Variants in ZNF236 observed in about 807,000 individuals in gnomAD.
ZNF236 encodes zinc finger protein 236.
ZNF236 carries 50 observed loss-of-function variants against 191.2 expected under a neutral mutation model. The ratio of observed to expected loss-of-function variants is 0.26; its 90% confidence interval spans 0.21 to 0.33. ZNF236 has a LOEUF of 0.33. ZNF236 is among the 10% of genes least tolerant of loss of function. ZNF236 has a pLI of 1.00. For synonymous variants in ZNF236, 907 were observed against 928.8 expected, an observed-to-expected ratio of 0.98 and a Z score of 0.43; for missense variants, 1,754 against 2,374.5, an observed-to-expected ratio of 0.74 and a Z score of 5.43.
intron 3 of ZNF236, among the ~76,000 whole-genome samples, chr18:76,861,988 C>T (rs778355374): frequency 2.0e-5 from 3 of 152,158 alleles, no homozygotes; most frequent in Non-Finnish European, 2.9e-5. Context: ...CTCAGCCTCC[C>T]GAGTAGCTGG....
chr18:76,878,227 T>C (rs1373090296), intron 7 of ZNF236, 75 bp downstream of exon 7: 1 of 1,391,326 alleles, frequency 7.2e-7, no homozygotes, highest in African/African-American at 1.4e-5. Flanking sequence ...TACAATTGAA[T>C]ATTTAGTAGC....
chr18:76,931,832 A>T (rs1034894318), intron 25 of ZNF236, among the ~76,000 whole-genome samples: 3 of 152,244 alleles, frequency 2.0e-5, no homozygotes, highest in Non-Finnish European at 4.4e-5. Context: ...CACCTTGTAG[A>T]GATTGCATTC....
intron 27 of ZNF236, among the ~76,000 whole-genome samples, chr18:76,952,580 C>T (rs1968435065): frequency 6.6e-6 from 1 of 152,202 alleles, no homozygotes. Context: ...GATGTCTGTG[C>T]ATCCCTGCTC....
chr18:76,960,678 G>A lies in ZNF236; in HGVS notation c.5243-1G>A. 1 of 1,614,174 alleles carries A rather than the reference G, an allele frequency of 6.2e-7. No individual in the cohort carries two copies. The highest frequency in any genetic ancestry group is 8.5e-7 in the Non-Finnish European group (1 of 1,180,034). Reference sequence around the variant, plus strand: ...ATTGACATATGCCATTTTCTGTACAGGGGAGCGGCCGTTCCATTGCACGCT... The same window carrying A: ...ATTGACATATGCCATTTTCTGTACAAGGGAGCGGCCGTTCCATTGCACGCT... On this transcript the variant is annotated splice_acceptor_variant, in intron 29 of 30. Transcript: ENST00000320610. LOFTEE classifies it high-confidence loss of function. The surrounding 1 kb of genome is among the most constrained non-coding windows in gnomAD (Gnocchi z 4.4).
intron 1 of ZNF236, among the ~76,000 whole-genome samples, chr18:76,837,127 T>TCCCCCCCCCCCCCC (rs57114708): frequency 6.2e-4 from 23 of 37,062 alleles, no homozygotes; most frequent in South Asian, 1.6e-3. Context: ...CCGCACCCCC[T>TCCCCCCCCCCCCCC]CCCCCCCCCC....
chr18:76,891,249 G>A (rs1977223792), intron 9 of ZNF236, among the ~76,000 whole-genome samples: 1 of 152,100 alleles, frequency 6.6e-6, no homozygotes, highest in Admixed American at 6.5e-5. Context: ...TTTAACTGGG[G>A]AAATATTTAT....
At chr18:76,926,201 C>G (rs1208931313) in intron 22 of ZNF236, among the ~76,000 whole-genome samples, 2 of 152,172 alleles carry the variant, frequency 1.3e-5, no homozygotes, top group African/African-American at 4.8e-5. Context: ...GGTGATTAGA[C>G]AGTGTGTGTG....
At chr18:76,940,742 T>G (rs1968116744) in intron 26 of ZNF236, among the ~76,000 whole-genome samples, 1 of 152,240 alleles carries the variant, frequency 6.6e-6, no homozygotes, top group Non-Finnish European at 1.5e-5. Context: ...TTTTAAAGTC[T>G]GCAAATATTT....
chr18:76,874,019 G>C (rs1264964599), intron 5 of ZNF236, among the ~76,000 whole-genome samples: 4 of 139,202 alleles, frequency 2.9e-5, no homozygotes, highest in Non-Finnish European at 6.1e-5. Flanking sequence ...CGTGCCTCCT[G>C]CCTGCCTGTC....
At chr18:76,833,615 CTG>C (rs1975234547) in intron 1 of ZNF236, among the ~76,000 whole-genome samples, 1 of 151,960 alleles carries the variant, frequency 6.6e-6, no homozygotes, top group African/African-American at 2.4e-5. Context: ...CTTTTTATAT[CTG>C]TGTTTATGAG....
chr18:76,852,511 T>C (rs1370938817), intron 3 of ZNF236, among the ~76,000 whole-genome samples: 1 of 151,956 alleles, frequency 6.6e-6, no homozygotes, highest in African/African-American at 2.4e-5. Flanking sequence ...AAAAATATGC[T>C]CCTCCTTCGT....
At chr18:76,964,611 C>A (rs1403034825) in intron 30 of ZNF236, among the ~76,000 whole-genome samples, 1 of 151,994 alleles carries the variant, frequency 6.6e-6, no homozygotes, top group Admixed American at 6.5e-5. Context: ...TCCATTTTTT[C>A]TTTTTTGACT....
chr18:76,928,991 G>A lies in ZNF236; in HGVS notation c.4594+885G>A, dbSNP rs555268655. ...TTTGCTAGGAATCAAAACACGCTCC[G>A]TGGAGATCTGATGTGACAGAGGGAA... On this transcript the variant is annotated intron_variant, in intron 25 of 30. Coordinates refer to ENST00000320610, the MANE Select transcript of ZNF236 (RefSeq NM_001306089.2). Among the ~76,000 whole-genome samples, 11 of 149,464 alleles carry A rather than the reference G, an allele frequency of 7.4e-5. No homozygotes were observed. In the South Asian group the frequency reaches 1.1e-3, roughly 15 times the overall value.
chr18:76,833,384 A>G (rs573641524), intron 1 of ZNF236, among the ~76,000 whole-genome samples: 3 of 151,990 alleles, frequency 2.0e-5, no homozygotes, highest in Admixed American at 6.6e-5. Context: ...TTTTATTTCT[A>G]TTTTGCTAAG....
chr18:76,864,602 T>A (rs1037005624), intron 3 of ZNF236, among the ~76,000 whole-genome samples: 1 of 151,334 alleles, frequency 6.6e-6, no homozygotes, highest in Non-Finnish European at 1.5e-5. Context: ...AAAATTGGGG[T>A]GAATATAATA....
chr18:76,830,214 G>A (rs748071525), intron 1 of ZNF236, among the ~76,000 whole-genome samples: 8 of 152,152 alleles, frequency 5.3e-5, no homozygotes, highest in East Asian at 3.9e-4. Flanking sequence ...GTATGAACCC[G>A]TATTTTTTTC....
At position 76,927,809 on chromosome 18, in the gene ZNF236, A is replaced by T; in HGVS notation, c.4415-118A>T. On this transcript the variant is annotated intron_variant, in intron 24 of 30. Transcript: ENST00000320610. The surrounding 1 kb of genome is among the most constrained non-coding windows in gnomAD (Gnocchi z 5.4). Reference sequence around the variant, plus strand: ...TTAGAGATGACTGATGCTTTGTTTTAAATCTTTGTCTTATTGAAATATGTA... The same window carrying T: ...TTAGAGATGACTGATGCTTTGTTTTTAATCTTTGTCTTATTGAAATATGTA... 1.1e-6 allele frequency: 1 copy of T among 907,702 alleles called. No individual in the cohort carries two copies. Among genetic ancestry groups the T allele is most frequent in the Non-Finnish European group, 1.6e-6 (1 of 626,544 alleles). 56.2% of individuals were successfully genotyped at this position (907,702 alleles called of 1,614,324 possible).
intron 16 of ZNF236, among the ~76,000 whole-genome samples, chr18:76,911,384 G>A (rs760223570): frequency 2.6e-5 from 4 of 152,114 alleles, no homozygotes; most frequent in Non-Finnish European, 4.4e-5. Flanking sequence ...GGACCCTCCC[G>A]TGAAAATTTC....
chr18:76,969,701 T>G lies in ZNF236; in HGVS notation c.*1362T>G, dbSNP rs553644790. The stretch of plus-strand genomic sequence containing the variant: ...GAAGAGAGTAGTTTTATTATAAATA[T>G]TGTATGGACTTTGTATATTAAGAGA... On this transcript the variant is annotated 3_prime_UTR_variant, in exon 31 of 31. Transcript: ENST00000320610. The G allele has an allele frequency of 6.5e-6, 1 of 152,766 alleles. No individual in the cohort carries two copies. Among genetic ancestry groups the G allele is most frequent in the South Asian group, 2.1e-4 (1 of 4,830 alleles). 9.5% of individuals were successfully genotyped at this position (152,766 alleles called of 1,614,324 possible).
Sources: allele counts gnomAD v4.1 joint callset (sites outside exome capture counted in the v4.1 genomes callset), GRCh38; gene constraint gnomAD v4.1.1; non-coding constraint Gnocchi (gnomAD v3.1); transcripts MANE v1.5; gene names NCBI Gene and HGNC (gene_info 2026-07-23, HGNC 2026-07-21).